PCLO: variants seen among roughly 807,000 people sequenced by gnomAD.
The protein encoded by PCLO is protein piccolo.
A neutral mutation model predicts 427.5 loss-of-function variants in PCLO; 82 were observed. That is an observed-to-expected ratio of 0.19 (90% CI 0.16 to 0.23). The LOEUF (loss-of-function observed/expected upper bound fraction) is 0.23. Among genes scored for constraint, PCLO ranks in the 10% least tolerant of loss-of-function variants. The pLI, the probability that PCLO is intolerant of heterozygous loss-of-function variation, is 1.00. For missense variants in PCLO, 6,239 were observed against 6,115.9 expected (o/e 1.02, Z -0.67); for synonymous variants, 2,357 against 2,155.4 (o/e 1.09, Z -2.59).
intron 4 of PCLO, among the ~76,000 whole-genome samples, chr7:82,961,610 A>G (rs1795658088): frequency 6.6e-6 from 1 of 152,190 alleles, no homozygotes; most frequent in Admixed American, 6.5e-5. Flanking sequence ...TTAAATCCAA[A>G]ATACAGGATA....
intron 3 of PCLO, among the ~76,000 whole-genome samples, chr7:83,086,039 G>A (rs150831394): frequency 6.6e-6 from 1 of 152,042 alleles, no homozygotes; most frequent in Non-Finnish European, 1.5e-5. Context: ...ACTAATGATG[G>A]GATAACAGGT....
chr7:83,017,880 AT>A (rs1400699134), intron 3 of PCLO: 1 of 152,046 alleles, frequency 6.6e-6, no homozygotes, highest in Admixed American at 6.6e-5. Flanking sequence ...AGAAGTTAAA[AT>A]AAAAAACTCT....
intron 3 of PCLO, among the ~76,000 whole-genome samples, chr7:83,062,280 T>C (rs1243921018): frequency 6.6e-6 from 1 of 152,162 alleles, no homozygotes; most frequent in Non-Finnish European, 1.5e-5. Context: ...AGAAGTAACA[T>C]TTCTTTTCAC....
intron 10 of PCLO, among the ~76,000 whole-genome samples, chr7:82,853,401 TAAC>T (rs1792718380): frequency 6.6e-6 from 1 of 152,030 alleles, no homozygotes; most frequent in Admixed American, 6.6e-5. Flanking sequence ...TAAAATAACA[TAAC>T]AACCTGAATA....
rs892113454 is a variant in PCLO at position 82,818,223 on chromosome 7, G to A, written c.14791+4272C>T. On this transcript the variant is annotated intron_variant, in intron 20 of 24. Coordinates refer to ENST00000333891, the MANE Select transcript of PCLO (RefSeq NM_033026.6). ...TTAGCATACAACTAAACCCCAGAGGGAAAGAAAAAATTCCTTTTGACTCAC... is the reference window on the plus strand; with the variant it reads ...TTAGCATACAACTAAACCCCAGAGGAAAAGAAAAAATTCCTTTTGACTCAC... 7.2e-5 allele frequency among the ~76,000 whole-genome samples: 11 copies of A among 152,168 alleles called. 1 individual carries two copies. The highest frequency in any genetic ancestry group is 5.2e-4 in the Admixed American group (8 of 15,276).
intron 20 of PCLO, among the ~76,000 whole-genome samples, chr7:82,816,759 G>C (rs541075769): frequency 6.6e-6 from 1 of 152,146 alleles, no homozygotes; most frequent in Non-Finnish European, 1.5e-5. Context: ...TTTCACGTCA[G>C]ATGAAATGAA....
chr7:83,137,743 A>C (rs1353249120), intron 2 of PCLO, among the ~76,000 whole-genome samples: 1 of 152,082 alleles, frequency 6.6e-6, no homozygotes, highest in African/African-American at 2.4e-5. Context: ...ATGGATATTC[A>C]TTATATTTAT....
chr7:83,107,711 A>ATG (rs745485946), intron 3 of PCLO, among the ~76,000 whole-genome samples: 1 of 26,228 alleles, frequency 3.8e-5, no homozygotes, highest in African/African-American at 2.1e-4. Context: ...TAAGAAGAGA[A>ATG]TATGTGCGGT....
intron 2 of PCLO, among the ~76,000 whole-genome samples, chr7:83,151,811 A>G (rs757972789): frequency 3.3e-5 from 5 of 152,170 alleles, no homozygotes; most frequent in Admixed American, 1.3e-4. Flanking sequence ...TGAATATACT[A>G]TCTGGGTGAT....
intron 2 of PCLO, among the ~76,000 whole-genome samples, chr7:83,147,255 TTAAA>T (rs1170044111): frequency 2.6e-5 from 4 of 152,068 alleles, no homozygotes; most frequent in African/African-American, 7.2e-5. Flanking sequence ...GTAAACGTAA[TTAAA>T]TAATACATGT....
chr7:82,966,131 T>C lies in PCLO; in HGVS notation c.3657A>G (p.Lys1219=). 1 of 1,605,208 alleles carries C rather than the reference T, an allele frequency of 6.2e-7. No homozygotes were observed. The highest frequency in any genetic ancestry group is 8.5e-7 in the Non-Finnish European group (1 of 1,177,754). Residue 1219 remains lysine, a synonymous_variant, in exon 4 of 25, where the codon AAA becomes AAG. Transcript: ENST00000333891. ...GTATCTTTTCTTCTTCAGGGATTAG[T>C]TTTTTTTCTTCAGGGAGTGGCTTTT... ...QEKKPLPEEK[K]LIPEEEKIRS...
At chr7:83,026,078 T>C (rs1365154744) in intron 3 of PCLO, among the ~76,000 whole-genome samples, 1 of 151,390 alleles carries the variant, frequency 6.6e-6, no homozygotes, top group Admixed American at 6.6e-5. Flanking sequence ...AACATCATCA[T>C]GACAGGATCA....
intron 3 of PCLO, among the ~76,000 whole-genome samples, chr7:83,026,694 C>T (rs1583924813): frequency 1.3e-5 from 2 of 152,168 alleles, no homozygotes; most frequent in Admixed American, 1.3e-4. Flanking sequence ...AAATTGACCA[C>T]ATACTTGGAA....
chr7:82,974,081 A>AGTT (rs1342255022), intron 3 of PCLO, among the ~76,000 whole-genome samples: 1 of 152,160 alleles, frequency 6.6e-6, no homozygotes, highest in East Asian at 1.9e-4. Flanking sequence ...TCATATGCTT[A>AGTT]GTTTTCTTTT....
chr7:83,058,443 C>G (rs1789456845), intron 3 of PCLO, among the ~76,000 whole-genome samples: 1 of 152,126 alleles, frequency 6.6e-6, no homozygotes, highest in South Asian at 2.1e-4. Context: ...TGAGGCACTT[C>G]TCTAACATAC....
Position 83,134,960 on chromosome 7 carries a change from G to T in PCLO, c.2590C>A (p.Pro864Thr). 1 of 1,612,006 alleles carries T rather than the reference G, an allele frequency of 6.2e-7. No individual in the cohort carries two copies. The highest frequency in any genetic ancestry group is 8.5e-7 in the Non-Finnish European group (1 of 1,179,152). The change falls in exon 3 of 25, where the codon CCT becomes ACT. Residue 864 changes from proline (P) to threonine (T), a missense_variant. Around this residue, in one of 5 missense-constraint regions of PCLO, gnomAD observed 4,677 missense variants for 4,468.4 expected, o/e 1.05. Coordinates refer to ENST00000333891, the MANE Select transcript of PCLO (RefSeq NM_033026.6). The part of the protein sequence containing the change: ...EPKKAQTKMS[P>T]KPDAKPMPKG... ...GGCATTGGCTTGGCATCTGGTTTAG[G>T]ACTCATTTTGGTTTGTGCTTTCTTG...
chr7:82,990,944 A>G (rs1796362304), intron 3 of PCLO, among the ~76,000 whole-genome samples: 1 of 152,162 alleles, frequency 6.6e-6, no homozygotes, highest in South Asian at 2.1e-4. Flanking sequence ...ATTGATATTC[A>G]TTTATTTCTT....
At chr7:82,968,840 C>A (rs967446402) in intron 3 of PCLO, among the ~76,000 whole-genome samples, 1 of 152,152 alleles carries the variant, frequency 6.6e-6, no homozygotes, top group South Asian at 2.1e-4. Context: ...CTTTTTAAAA[C>A]ACAAAAACAG....
chr7:83,093,555 T>A (rs1433646386), intron 3 of PCLO, among the ~76,000 whole-genome samples: 2 of 143,282 alleles, frequency 1.4e-5, no homozygotes, highest in African/African-American at 2.6e-5. Context: ...TGCAGTGGCG[T>A]GATCTCCGCT....
Sources: gnomAD v4.1 joint callset for allele counts (sites outside exome capture counted in the v4.1 genomes callset) on GRCh38, gnomAD v4.1.1 for gene constraint, gnomAD v4.1.1 regional missense constraint, MANE v1.5 for transcripts, NCBI Gene and HGNC (gene_info 2026-07-23, HGNC 2026-07-21) for gene names.